DNAJC15: variants seen among roughly 807,000 people sequenced by gnomAD.
The protein encoded by DNAJC15 is dnaJ homolog subfamily C member 15.
DNAJC15 carries 27 observed loss-of-function variants against 22.4 expected under a neutral mutation model. The ratio of observed to expected loss-of-function variants is 1.20; its 90% confidence interval spans 0.89 to 1.66. DNAJC15 has a LOEUF of 1.66. Ranked by LOEUF, DNAJC15 falls within the 40% of genes most tolerant of loss-of-function variation. DNAJC15 has a pLI of 0.00. For synonymous variants in DNAJC15, 79 were observed against 63.2 expected (o/e 1.25, Z -1.19); for missense variants, 208 against 187.1 (o/e 1.11, Z -0.65).
intron 1 of DNAJC15, 111 bp downstream of exon 1, chr13:43,023,845 G>T (rs1048621048): frequency 6.9e-6 from 7 of 1,016,760 alleles, no homozygotes; most frequent in Non-Finnish European, 5.7e-6. Context: ...TTCGCTCACG[G>T]TCTGTGCCCT....
At chr13:43,059,486 TC>T (rs1312664435) in intron 1 of DNAJC15, among the ~76,000 whole-genome samples, 1 of 152,084 alleles carries the variant, frequency 6.6e-6, no homozygotes, top group African/African-American at 2.4e-5. Context: ...TGTCTCAACC[TC>T]CCGAGTAGCT....
intron 4 of DNAJC15, among the ~76,000 whole-genome samples, chr13:43,081,405 C>T (rs1313187303): frequency 6.6e-6 from 1 of 151,938 alleles, no homozygotes; most frequent in Non-Finnish European, 1.5e-5. Flanking sequence ...AAGAACCTAT[C>T]AACAGTATTG....
At position 43,107,314 on chromosome 13, in the gene DNAJC15, A is replaced by G. The variant is rs948714056; in HGVS notation, c.*66A>G. The G allele has an allele frequency of 1.5e-5, 21 of 1,358,226 alleles. No homozygotes were observed. The highest frequency in any genetic ancestry group is 2.1e-5 in the Non-Finnish European group (21 of 1,015,310). 84.1% of individuals were successfully genotyped at this position (1,358,226 alleles called of 1,614,324 possible). A position where few individuals can be genotyped will look rare whatever the true frequency, so the allele number is the denominator to read the frequency against. The stretch of plus-strand genomic sequence containing the variant: ...TCGAAAAAAAAAAAAGCCCTGCAAA[A>G]TATTCTAAAACATGGTCTTCTTAAT... On this transcript the variant is annotated 3_prime_UTR_variant, in exon 6 of 6. Coordinates refer to ENST00000379221, the MANE Select transcript of DNAJC15 (RefSeq NM_013238.3).
intron 5 of DNAJC15, among the ~76,000 whole-genome samples, chr13:43,088,348 T>C (rs942121161): frequency 1.3e-5 from 2 of 152,200 alleles, no homozygotes; most frequent in Non-Finnish European, 2.9e-5. Flanking sequence ...CAATGCTGCC[T>C]CCTAAATCTG....
chr13:43,069,095 C>A, intron 3 of DNAJC15, 92 bp downstream of exon 3: 1 of 1,278,930 alleles, frequency 7.8e-7, no homozygotes. Context: ...TTGGATTTTC[C>A]AATGTTTGTA....
At chr13:43,033,445 T>C (rs2040413140) in intron 1 of DNAJC15, among the ~76,000 whole-genome samples, 1 of 152,106 alleles carries the variant, frequency 6.6e-6, no homozygotes. Context: ...TATTGATCCA[T>C]TATTATTAAC....
intron 1 of DNAJC15, among the ~76,000 whole-genome samples, chr13:43,055,419 AC>A (rs894726215): frequency 2.6e-5 from 4 of 152,064 alleles, no homozygotes; most frequent in Non-Finnish European, 4.4e-5. Flanking sequence ...CTCACTCGGG[AC>A]CCATCTCTTC....
intron 5 of DNAJC15, among the ~76,000 whole-genome samples, chr13:43,095,511 TAAG>T (rs2040735390): frequency 1.3e-5 from 2 of 152,010 alleles, no homozygotes; most frequent in South Asian, 2.1e-4. Context: ...AGACTGGACT[TAAG>T]AATCATCAAT....
At chr13:43,102,680 G>T (rs1348750827) in intron 5 of DNAJC15, among the ~76,000 whole-genome samples, 1 of 152,014 alleles carries the variant, frequency 6.6e-6, no homozygotes, top group Non-Finnish European at 1.5e-5. Flanking sequence ...ATTTTTGAAT[G>T]TGTAAGCCAG....
intron 1 of DNAJC15, among the ~76,000 whole-genome samples, chr13:43,041,907 A>G (rs1403139777): frequency 6.6e-6 from 1 of 152,234 alleles, no homozygotes; most frequent in Non-Finnish European, 1.5e-5. Context: ...GAGGGAGGGA[A>G]GTTTTGAAGT....
intron 5 of DNAJC15, among the ~76,000 whole-genome samples, chr13:43,088,213 C>T (rs1338477286): frequency 2.0e-5 from 3 of 152,104 alleles, no homozygotes; most frequent in Admixed American, 6.5e-5. Flanking sequence ...CTTATAATAT[C>T]GCCACGATAC....
Position 43,078,638 on chromosome 13 carries a change from A to G in DNAJC15, c.261A>G (p.Gly87=). The G allele has an allele frequency of 6.2e-7, 1 of 1,613,534 alleles. No homozygotes were observed. Residue 87 remains glycine (G), a synonymous_variant, in exon 4 of 6, where the codon GGA becomes GGG. Coordinates refer to ENST00000379221, the MANE Select transcript of DNAJC15 (RefSeq NM_013238.3). ...GCTTTTCATCCTACTATAAAGGAGG[A>G]TTTGAACAGAAAATGAGTAGGCGAG... The part of the protein sequence containing the change: ...TPSFSSYYKG[G]FEQKMSRREA...
intron 1 of DNAJC15, among the ~76,000 whole-genome samples, chr13:43,043,357 C>T (rs556551327): frequency 1.4e-4 from 21 of 152,274 alleles, no homozygotes; most frequent in Non-Finnish European, 2.4e-4. Context: ...GATCTACCCG[C>T]CTTGGTCTCC....
intron 3 of DNAJC15, among the ~76,000 whole-genome samples, chr13:43,075,664 T>C (rs906276141): frequency 7.2e-5 from 11 of 152,156 alleles, no homozygotes; most frequent in African/African-American, 2.7e-4. Flanking sequence ...CCCCTATTCC[T>C]CTAAGTCCCT....
intron 1 of DNAJC15, among the ~76,000 whole-genome samples, chr13:43,051,929 T>A (rs1351664686): frequency 6.6e-6 from 1 of 152,140 alleles, no homozygotes; most frequent in Admixed American, 6.5e-5. Context: ...GTGTTCCCTT[T>A]CACCATATCC....
chr13:43,103,920 G>A (rs1234306924), intron 5 of DNAJC15, among the ~76,000 whole-genome samples: 2 of 152,060 alleles, frequency 1.3e-5, no homozygotes, highest in African/African-American at 4.8e-5. Flanking sequence ...ACCTTAAAAT[G>A]TACTTTATCT....
intron 1 of DNAJC15, among the ~76,000 whole-genome samples, chr13:43,056,831 C>T (rs2040533893): frequency 6.6e-6 from 1 of 152,174 alleles, no homozygotes; most frequent in Admixed American, 6.5e-5. Context: ...AACAGCCACT[C>T]CTGCTGGCTT....
In DNAJC15 at chr13:43,041,486, T is replaced by C. The variant is rs570619907; in HGVS notation, c.108+17752T>C. ...TTTCTACACAGACACAGTAACAATC[T>C]GATCTCTCTTTCTTTTCCCCACACT... On this transcript the variant is annotated intron_variant, in intron 1 of 5. Transcript: ENST00000379221. Among the ~76,000 whole-genome samples, 107 of 152,314 alleles carry C rather than the reference T, an allele frequency of 7.0e-4. 1 individual carries two copies. The highest frequency in any genetic ancestry group is 2.5e-3 in the African/African-American group (103 of 41,550).
rs572963748 is a variant in DNAJC15, at chr13:43,052,057, T to C, written c.109-13629T>C. Among the ~76,000 whole-genome samples, 3 of 152,086 alleles carry C rather than the reference T, an allele frequency of 2.0e-5. No homozygotes were observed. In the South Asian group the frequency reaches 6.2e-4, roughly 32 times the overall value. On this transcript the variant is annotated intron_variant, in intron 1 of 5. Coordinates refer to ENST00000379221, the MANE Select transcript of DNAJC15 (RefSeq NM_013238.3). ...TCGGCTCACTGCAACCTCTGGCTGC[T>C]TGGTTCAAGCGATTCTCCTGCCTCA...
Sources: allele counts gnomAD v4.1 joint callset (sites outside exome capture counted in the v4.1 genomes callset), GRCh38; gene constraint gnomAD v4.1.1; transcripts MANE v1.5; gene names NCBI Gene and HGNC (gene_info 2026-07-23, HGNC 2026-07-21).